Variants in EXTL3 observed in about 807,000 individuals in gnomAD.
The protein encoded by EXTL3 is exostosin-like 3.
Under a neutral mutation model 69.3 loss-of-function variants are expected in EXTL3, and 27 were observed. The observed-to-expected ratio is 0.39, with a 90% confidence interval of 0.29 to 0.54. The LOEUF is 0.54. Among genes scored for constraint, EXTL3 ranks in the 20% least tolerant of loss-of-function variants. The pLI, the probability that EXTL3 is intolerant of heterozygous loss-of-function variation, is 0.69. For missense variants in EXTL3, 1,003 were observed against 1,231.8 expected, an observed-to-expected ratio of 0.81 and a Z score of 2.78; for synonymous variants, 511 against 499.4, an observed-to-expected ratio of 1.02 and a Z score of -0.31.
chr8:28,641,833 A>G (rs1014174350), intron 1 of EXTL3, among the ~76,000 whole-genome samples: 7 of 151,484 alleles, frequency 4.6e-5, no homozygotes, highest in Admixed American at 2.0e-4. Flanking sequence ...ATTTAATTTA[A>G]TTTATTTATT....
chr8:28,609,914 A>G (rs943742058), intron 2 of EXTL3, among the ~76,000 whole-genome samples: 1 of 151,332 alleles, frequency 6.6e-6, no homozygotes, highest in Non-Finnish European at 1.5e-5. Flanking sequence ...AAAAAAAAAA[A>G]AAAAGCCAGA....
intron 3 of EXTL3, among the ~76,000 whole-genome samples, chr8:28,720,271 T>C (rs1801268096): frequency 6.6e-6 from 1 of 152,204 alleles, no homozygotes; most frequent in East Asian, 1.9e-4. Flanking sequence ...CTTCTAGATG[T>C]AGACGTAGCC....
chr8:28,717,026 A>G lies in EXTL3; in HGVS notation c.967A>G (p.Met323Val), dbSNP rs1338679874. Reference sequence around the variant, plus strand: ...GGTCGTATCACCGCTGGTCCATGCCATGTCTGAGCCCAACTTCATGGAAAT... The same window carrying G: ...GGTCGTATCACCGCTGGTCCATGCCGTGTCTGAGCCCAACTTCATGGAAAT... ...DLVVSPLVHAMSEPNFMEIPP... is the reference protein window; with the variant it reads ...DLVVSPLVHAVSEPNFMEIPP... Residue 323 changes from methionine (M) to valine (V), a missense_variant, in exon 3 of 7, where the codon ATG becomes GTG. Physicochemically the swap from Met to Val is conservative, Grantham distance 21 (BLOSUM62 1). Coordinates refer to ENST00000220562, the MANE Select transcript of EXTL3 (RefSeq NM_001440.4). This position sits in a 1 kb window ranked among gnomAD's most constrained non-coding sequence, Gnocchi z 8.3. The G allele has an allele frequency of 5.0e-6, 8 of 1,614,098 alleles. No homozygotes were observed. The highest frequency in any genetic ancestry group is 1.3e-5 in the African/African-American group (1 of 74,932).
intron 1 of EXTL3, among the ~76,000 whole-genome samples, chr8:28,652,911 TAGAGAATTCCCA>T (rs1806950004): frequency 6.6e-6 from 1 of 152,158 alleles, no homozygotes; most frequent in Non-Finnish European, 1.5e-5. Flanking sequence ...GAGCAGAAAG[TAGAGAATTCCCA>T]TATACCTCTC....
chr8:28,726,876 T>TTTA (rs1373139058), intron 3 of EXTL3, among the ~76,000 whole-genome samples: 1 of 133,510 alleles, frequency 7.5e-6, no homozygotes, highest in Non-Finnish European at 1.6e-5. Context: ...CAGCTTTTCT[T>TTTA]TTCTTTTTTT....
At chr8:28,620,107 T>TCGTG (rs56022785), upstream of EXTL3, among the ~76,000 whole-genome samples, 31,809 of 151,668 alleles carry the variant, frequency 0.21, 3,978 homozygotes, top group Non-Finnish European at 0.28. Flanking sequence ...TCTCTTGACC[T>TCGTG]AGTGATCTGC....
rs1801173587 is a variant in EXTL3, at chr8:28,717,181, C to T, written c.1122C>T (p.Asp374=). 1.2e-6 allele frequency: 2 copies of T among 1,614,256 alleles called. No individual in the cohort carries two copies. The highest frequency in any genetic ancestry group is 2.7e-5 in the African/African-American group (2 of 75,068). The change falls in exon 3 of 7, where the codon GAC becomes GAT. Residue 374 remains aspartate, a synonymous_variant. Coordinates refer to ENST00000220562, the MANE Select transcript of EXTL3 (RefSeq NM_001440.4). The surrounding 1 kb of genome is among the most constrained non-coding windows in gnomAD (Gnocchi z 8.3). ...EEEMEGDPPA[D]YDDRIIATLK... ...AAATGGAGGGCGACCCTCCCGCCGACTACGATGACCGGATCATTGCCACCC... is the reference window on the plus strand; with the variant it reads ...AAATGGAGGGCGACCCTCCCGCCGATTACGATGACCGGATCATTGCCACCC...
At chr8:28,701,157 G>GGCGCCC (rs1232295873), upstream of EXTL3, 1 of 152,252 alleles carries the variant, frequency 6.6e-6, no homozygotes, top group East Asian at 1.9e-4. Flanking sequence ...TCCCGGGGCC[G>GGCGCCC]GCGCCCCTGC....
At chr8:28,709,954 C>A (rs1801000182) in intron 1 of EXTL3, among the ~76,000 whole-genome samples, 1 of 152,172 alleles carries the variant, frequency 6.6e-6, no homozygotes, top group Admixed American at 6.5e-5. Context: ...TTACAGCTTT[C>A]CAGGGCTACT....
chr8:28,747,641 T>C (rs1801914938), intron 6 of EXTL3, among the ~76,000 whole-genome samples: 1 of 152,138 alleles, frequency 6.6e-6, no homozygotes, highest in African/African-American at 2.4e-5. Context: ...TGGTATCCTG[T>C]CTATCGTGGT....
intron 1 of EXTL3, among the ~76,000 whole-genome samples, chr8:28,677,334 C>T (rs998163738): frequency 5.9e-5 from 9 of 151,998 alleles, no homozygotes; most frequent in Admixed American, 2.0e-4. Flanking sequence ...CCGCTATTTA[C>T]TTGTACCTTT....
intron 6 of EXTL3, among the ~76,000 whole-genome samples, chr8:28,747,735 T>TC (rs1563226434): frequency 7.0e-6 from 1 of 142,850 alleles, no homozygotes; most frequent in Non-Finnish European, 1.6e-5. Context: ...TTTCTTTTTT[T>TC]TTTTTTTTTT....
In EXTL3 at chr8:28,670,219, A is replaced by AAAAAAAAAAAAG. The variant is rs1563442510; in HGVS notation, c.-52-43238_-52-43237insAAAAAAAAAAAG. Among the ~76,000 whole-genome samples the AAAAAAAAAAAAG allele has an allele frequency of 3.8e-4, 57 of 148,174 alleles. 3 individuals are homozygous for AAAAAAAAAAAAG. Among genetic ancestry groups the AAAAAAAAAAAAG allele is most frequent in the Non-Finnish European group, 4.0e-4 (27 of 66,836 alleles). ...GTGAGACTCTGTCTCAAAAAAAAAA[A>AAAAAAAAAAAAG]GGTTGGGGGGAGATGGGGGACTTTG... is the stretch of plus-strand genomic sequence containing the variant. On this transcript the variant is annotated intron_variant, in intron 1 of 6. Transcript: ENST00000523149.
At chr8:28,652,660 A>AATATATAGATATATTTATATATAGCC in intron 1 of EXTL3, among the ~76,000 whole-genome samples, 1 of 150,054 alleles carries the variant, frequency 6.7e-6, no homozygotes, top group South Asian at 2.1e-4. Flanking sequence ...TCTCAAAAAA[A>AATATATAGATATATTTATATATAGCC]ATATATAGAT....
At chr8:28,659,303 A>G (rs567968734) in intron 1 of EXTL3, among the ~76,000 whole-genome samples, 1 of 152,196 alleles carries the variant, frequency 6.6e-6, no homozygotes, top group East Asian at 1.9e-4. Flanking sequence ...TATTGAGAGC[A>G]AGGGCCAAGT....
intron 1 of EXTL3, among the ~76,000 whole-genome samples, chr8:28,649,905 G>A (rs1295393943): frequency 6.6e-6 from 1 of 151,862 alleles, no homozygotes; most frequent in African/African-American, 2.4e-5. Context: ...AAATATAGAT[G>A]TTGTTGAAAG....
Position 28,647,548 on chromosome 8 carries a change from G to A in EXTL3, c.-53+24738G>A, listed in dbSNP as rs943537576. On this transcript the variant is annotated intron_variant, in intron 1 of 6. Transcript: ENST00000523149. Reference sequence around the variant, plus strand: ...CAGAGAGGTTATGTTAAGTTCAGGAGACAAGCCAGTGGAGCAGATGGTATT... The same window carrying A: ...CAGAGAGGTTATGTTAAGTTCAGGAAACAAGCCAGTGGAGCAGATGGTATT... 2.6e-5 allele frequency among the ~76,000 whole-genome samples: 4 copies of A among 152,258 alleles called. No individual in the cohort carries two copies. In the South Asian group the frequency reaches 8.3e-4, roughly 32 times the overall value.
intron 1 of EXTL3, among the ~76,000 whole-genome samples, chr8:28,666,973 G>A (rs1170913380): frequency 6.6e-6 from 1 of 152,168 alleles, no homozygotes; most frequent in African/African-American, 2.4e-5. Context: ...CCACAGCAAT[G>A]CAACCTGGAG....
At chr8:28,743,648 G>A (rs1041900798) in intron 6 of EXTL3, among the ~76,000 whole-genome samples, 27 of 152,042 alleles carry the variant, frequency 1.8e-4, no homozygotes, top group African/African-American at 6.3e-4. Flanking sequence ...TTGAATTCAC[G>A]GCAGTTACTC....
Sources: gnomAD v4.1 joint callset for allele counts (sites outside exome capture counted in the v4.1 genomes callset) on GRCh38, gnomAD v4.1.1 for gene constraint, Gnocchi (gnomAD v3.1) non-coding constraint, MANE v1.5 for transcripts, NCBI Gene and HGNC (gene_info 2026-07-23, HGNC 2026-07-21) for gene names.